The following UGGT1 variants were observed in gnomAD, a reference collection of about 807,000 sequenced individuals.
UGGT1 encodes UDP-glucose:glycoprotein glucosyltransferase 1.
UGGT1 carries 107 observed loss-of-function variants against 203.9 expected under a neutral mutation model. The observed-to-expected ratio is 0.52, with a 90% CI of 0.45 to 0.62. The LOEUF (loss-of-function observed/expected upper bound fraction) is 0.62, where lower values mean the gene tolerates loss of function less well. Among genes scored for constraint, UGGT1 ranks in the 20% least tolerant of loss-of-function variants. The pLI, the probability that UGGT1 is intolerant of heterozygous loss-of-function variation, is 0.00. For missense variants in UGGT1, 1,673 were observed against 1,867.2 expected (o/e 0.90, Z 1.92); for synonymous variants, 628 against 653.5 (o/e 0.96, Z 0.59).
At chr2:128,106,191 A>G (rs1687598037) in intron 3 of UGGT1, among the ~76,000 whole-genome samples, 1 of 151,950 alleles carries the variant, frequency 6.6e-6, no homozygotes, top group Non-Finnish European at 1.5e-5. Flanking sequence ...TTTAGAGGCA[A>G]CTAGAATTAA....
At chr2:128,105,575 C>T (rs1009949376) in intron 3 of UGGT1, among the ~76,000 whole-genome samples, 1 of 150,610 alleles carries the variant, frequency 6.6e-6, no homozygotes, top group Non-Finnish European at 1.5e-5. Context: ...AGTGCAGTGG[C>T]GCGATCTCGA....
intron 23 of UGGT1, 61 bp from the exon 24 acceptor site, chr2:128,160,399 A>G (rs1007560736): frequency 4.7e-6 from 7 of 1,499,560 alleles, no homozygotes; most frequent in Middle Eastern, 1.9e-4. Flanking sequence ...CACTGTGTTT[A>G]TTTGTTTATA....
intron 32 of UGGT1, among the ~76,000 whole-genome samples, chr2:128,177,380 A>G (rs1363427238): frequency 2.0e-5 from 3 of 152,164 alleles, no homozygotes; most frequent in Non-Finnish European, 4.4e-5. Flanking sequence ...TCCATTGTTG[A>G]GAAGAAAAAT....
intron 14 of UGGT1, among the ~76,000 whole-genome samples, 197 bp downstream of exon 14, chr2:128,133,457 A>G (rs1688980507): frequency 6.6e-6 from 1 of 152,188 alleles, no homozygotes; most frequent in South Asian, 2.1e-4. Context: ...ATGTAACAGG[A>G]GCATTACAGC....
At chr2:128,120,957 TGTA>T (rs1688354565) in intron 9 of UGGT1, among the ~76,000 whole-genome samples, 1 of 3,304 alleles carries the variant, frequency 3.0e-4, no homozygotes, top group African/African-American at 3.7e-4. Flanking sequence ...CATGCGTTAG[TGTA>T]GCGTTAGTGT....
chr2:128,177,124 A>T (rs561688420), intron 32 of UGGT1, among the ~76,000 whole-genome samples: 1 of 152,184 alleles, frequency 6.6e-6, no homozygotes, highest in South Asian at 2.1e-4. Context: ...TCTTATATAA[A>T]ATATTCTCAT....
Position 128,183,688 on chromosome 2 carries a change from G to C in UGGT1, c.4258G>C (p.Val1420Leu), listed in dbSNP as rs747643183. 3.1e-6 allele frequency: 5 copies of C among 1,613,778 alleles called. No individual in the cohort carries two copies. The highest frequency in any genetic ancestry group is 4.2e-6 in the Non-Finnish European group (5 of 1,179,720). Residue 1420 changes from valine to leucine, a missense_variant, in exon 38 of 41, where the codon GTG (valine) becomes CTG (leucine). Transcript: ENST00000259253. Reference protein sequence around the residue: ...RKYHISALYVVDLKKFRKIAA... With the variant: ...RKYHISALYVLDLKKFRKIAA... ...TTCTTTATTCAGTGCACTATATGTT[G>C]TGGATCTGAAGAAGTTTAGGAAAAT...
At chr2:128,132,220 A>AT (rs1021642050) in intron 13 of UGGT1, among the ~76,000 whole-genome samples, 52 of 138,592 alleles carry the variant, frequency 3.8e-4, no homozygotes, top group South Asian at 3.0e-3. Context: ...TTTTTTTCCG[A>AT]TTTTTTTTTA....
chr2:128,171,591 T>C (rs1691106436), intron 28 of UGGT1, among the ~76,000 whole-genome samples: 1 of 152,216 alleles, frequency 6.6e-6, no homozygotes, highest in Non-Finnish European at 1.5e-5. Flanking sequence ...CACTGCAGCC[T>C]CTGCCTCCCG....
In UGGT1 at chr2:128,159,738, T is replaced by A. The variant is rs1690435704; in HGVS notation, c.2562+18T>A. 1 of 1,609,096 alleles carries A rather than the reference T, an allele frequency of 6.2e-7. No homozygotes were observed. The highest frequency in any genetic ancestry group is 1.7e-5 in the Admixed American group (1 of 59,730). ...CTGTTGGGGTAAGGCTCTGAGCCTC[T>A]CATGAGGCTGCCCCATTTTGTCTGC... On this transcript the variant is annotated intron_variant, in intron 23 of 40. Transcript: ENST00000259253.
intron 11 of UGGT1, among the ~76,000 whole-genome samples, chr2:128,125,260 T>C (rs1490644193): frequency 6.6e-6 from 1 of 152,110 alleles, no homozygotes; most frequent in East Asian, 1.9e-4. Flanking sequence ...TTCCAGGGAA[T>C]GAGCCTTCAT....
intron 38 of UGGT1, among the ~76,000 whole-genome samples, chr2:128,184,613 A>G (rs924912123): frequency 2.6e-5 from 4 of 152,290 alleles, no homozygotes; most frequent in South Asian, 4.1e-4. Flanking sequence ...ATCCATAAAC[A>G]CTAGTTTAAT....
intron 3 of UGGT1, among the ~76,000 whole-genome samples, chr2:128,105,646 C>T (rs1047181950): frequency 6.6e-6 from 1 of 151,880 alleles, no homozygotes; most frequent in African/African-American, 2.4e-5. Context: ...TCCCGAGTAG[C>T]TGGGATTACA....
intron 8 of UGGT1, among the ~76,000 whole-genome samples, chr2:128,118,382 C>A (rs1242792342): frequency 6.6e-6 from 1 of 151,878 alleles, no homozygotes; most frequent in Non-Finnish European, 1.5e-5. Context: ...CCTCCTACCT[C>A]ACCCTCTCGA....
chr2:128,133,208 G>T lies in UGGT1; in HGVS notation c.1445G>T (p.Arg482Leu). Residue 482 changes from arginine (R) to leucine (L), a missense_variant, in exon 14 of 41, where the codon CGA becomes CTA. Around this residue, in one of 4 missense-constraint regions of UGGT1, gnomAD observed 1,073 missense variants for 1,078.7 expected, o/e 0.99. Coordinates refer to ENST00000259253, the MANE Select transcript of UGGT1 (RefSeq NM_020120.4). ...SWPSSLQELL[R>L]PTFPGVIRQI... ...CCTTCTAGTTTACAAGAGTTGCTTCGACCCACCTTTCCTGGTGTTATTCGG... is the reference window on the plus strand; with the variant it reads ...CCTTCTAGTTTACAAGAGTTGCTTCTACCCACCTTTCCTGGTGTTATTCGG... The T allele has an allele frequency of 1.2e-6, 2 of 1,614,018 alleles. No homozygotes were observed. Among genetic ancestry groups the T allele is most frequent in the South Asian group, 1.1e-5 (1 of 91,062 alleles).
chr2:128,100,960 A>G (rs1687351954), intron 2 of UGGT1, among the ~76,000 whole-genome samples: 1 of 152,112 alleles, frequency 6.6e-6, no homozygotes, highest in Non-Finnish European at 1.5e-5. Context: ...CTTATCACAG[A>G]CATCTCCCCC....
intron 4 of UGGT1, among the ~76,000 whole-genome samples, chr2:128,109,359 G>A (rs1414871170): frequency 6.6e-6 from 1 of 152,022 alleles, no homozygotes; most frequent in African/African-American, 2.4e-5. Flanking sequence ...GTATGCCACT[G>A]TGCCTAATTT....
At chr2:128,183,546 A>G (rs1691816559) in intron 37 of UGGT1, 129 bp from the exon 38 acceptor site, 11 of 633,552 alleles carry the variant, frequency 1.7e-5, no homozygotes, top group South Asian at 1.1e-4. Flanking sequence ...ACTCCACTGT[A>G]GGGCTGTAGC....
chr2:128,143,410 A>G (rs371136831), intron 17 of UGGT1, among the ~76,000 whole-genome samples, 185 bp downstream of exon 17: 66 of 152,334 alleles, frequency 4.3e-4, no homozygotes, highest in Middle Eastern at 3.4e-3. Context: ...TTGTGAAGAT[A>G]TGACTGATTT....
Sources: gnomAD v4.1 joint callset for allele counts (sites outside exome capture counted in the v4.1 genomes callset) on GRCh38, gnomAD v4.1.1 for gene constraint, gnomAD v4.1.1 regional missense constraint, MANE v1.5 for transcripts, NCBI Gene and HGNC (gene_info 2026-07-23, HGNC 2026-07-21) for gene names.